Variants in TENM3 observed in about 807,000 individuals in gnomAD.
The protein encoded by TENM3 is teneurin transmembrane protein 3.
Under a neutral mutation model 255.1 loss-of-function variants are expected in TENM3, and 63 were observed. That is an observed-to-expected ratio of 0.25 (90% CI 0.20 to 0.30). TENM3 has a LOEUF of 0.30. Ranked by LOEUF, TENM3 falls within the 10% of genes least tolerant of loss-of-function variation. The probability of loss-of-function intolerance (pLI) is 1.00; values close to 1 mark genes in which losing one functional copy is unlikely to be tolerated. For synonymous variants in TENM3, 1,306 were observed against 1,322.3 expected, an observed-to-expected ratio of 0.99 and a Z score of 0.27; for missense variants, 2,929 against 3,461.1, an observed-to-expected ratio of 0.85 and a Z score of 3.86.
At chr4:181,997,816 G>T in the TENM3 span, among the ~76,000 whole-genome samples, 1 of 152,126 alleles carries the variant, frequency 6.6e-6, no homozygotes, top group African/African-American at 2.4e-5. Context: ...AATAAAAAAG[G>T]TCTATGTTAC....
the TENM3 span, among the ~76,000 whole-genome samples, chr4:181,653,948 G>T: frequency 2.0e-5 from 3 of 151,538 alleles, no homozygotes; most frequent in Admixed American, 2.0e-4. Flanking sequence ...TTTCATCATT[G>T]GTACTGTGGT....
At chr4:181,907,694 C>A in the TENM3 span, among the ~76,000 whole-genome samples, 1 of 152,084 alleles carries the variant, frequency 6.6e-6, no homozygotes. Flanking sequence ...GAGATCATCA[C>A]CCCACAAGCT....
chr4:181,849,145 T>C, the TENM3 span, among the ~76,000 whole-genome samples: 1 of 152,190 alleles, frequency 6.6e-6, no homozygotes, highest in Non-Finnish European at 1.5e-5. Flanking sequence ...AACACAGTCA[T>C]AAGTAAAAGT....
At chr4:182,125,768 CT>C in the TENM3 span, among the ~76,000 whole-genome samples, 60,814 of 139,310 alleles carry the variant, frequency 0.44, 12,995 homozygotes, top group Admixed American at 0.52. Context: ...CTTTCCTTGC[CT>C]TTTTTTTTTT....
chr4:181,600,387 C>A, the TENM3 span, among the ~76,000 whole-genome samples: 4 of 152,128 alleles, frequency 2.6e-5, no homozygotes, highest in Non-Finnish European at 5.9e-5. Flanking sequence ...CTGCTGCAAC[C>A]ACTGCCCCAG....
the TENM3 span, among the ~76,000 whole-genome samples, chr4:182,089,288 A>T: frequency 6.6e-6 from 1 of 152,210 alleles, no homozygotes; most frequent in African/African-American, 2.4e-5. Flanking sequence ...TGTTAAGGTT[A>T]TATCACATAG....
intron 24 of TENM3, among the ~76,000 whole-genome samples, chr4:182,780,965 A>G (rs1290052427): frequency 3.3e-5 from 5 of 151,380 alleles, no homozygotes; most frequent in South Asian, 4.2e-4. Flanking sequence ...GGCTGAGACA[A>G]TGGGGTTTTC....
the TENM3 span, among the ~76,000 whole-genome samples, chr4:181,691,930 A>G: frequency 3.3e-5 from 5 of 152,166 alleles, no homozygotes; most frequent in East Asian, 9.6e-4. Context: ...ATTGCTGCCT[A>G]GTCTTTTTCA....
chr4:182,229,068 A>G (rs1756385182), intron 1 of TENM3, among the ~76,000 whole-genome samples: 1 of 152,090 alleles, frequency 6.6e-6, no homozygotes, highest in African/African-American at 2.4e-5. Context: ...ACCCAAATAT[A>G]TTTGCTTTGT....
the TENM3 span, among the ~76,000 whole-genome samples, chr4:181,784,990 T>G: frequency 6.6e-6 from 1 of 152,070 alleles, no homozygotes; most frequent in Non-Finnish European, 1.5e-5. Context: ...AAAATACAAC[T>G]AAGAGTATTC....
At chr4:181,886,437 T>C in the TENM3 span, among the ~76,000 whole-genome samples, 2 of 152,218 alleles carry the variant, frequency 1.3e-5, no homozygotes, top group Admixed American at 6.5e-5. Flanking sequence ...TGTATTTTAA[T>C]TTGGAAGCAA....
chr4:182,730,354 T>C, intron 15 of TENM3, 35 bp downstream of exon 15: 2 of 1,609,808 alleles, frequency 1.2e-6, no homozygotes, highest in East Asian at 2.2e-5. Context: ...TCTGAAGGAT[T>C]TGAAATATAA....
the TENM3 span, among the ~76,000 whole-genome samples, chr4:181,888,610 G>A: frequency 7.5e-6 from 1 of 133,876 alleles, no homozygotes; most frequent in Non-Finnish European, 1.6e-5. Context: ...GTGTGTGTGT[G>A]TGTGTGTGGA....
At chr4:182,171,371 A>G (rs1752095608) in intron 1 of TENM3, among the ~76,000 whole-genome samples, 1 of 152,196 alleles carries the variant, frequency 6.6e-6, no homozygotes, top group Non-Finnish European at 1.5e-5. Context: ...TTTCCCTAAT[A>G]GAAACCTCTT....
At chr4:181,570,336 A>G in the TENM3 span, among the ~76,000 whole-genome samples, 1 of 152,046 alleles carries the variant, frequency 6.6e-6, no homozygotes, top group African/African-American at 2.4e-5. Flanking sequence ...TGACCTACAA[A>G]TGTTTCTTAA....
At chr4:182,679,330 A>T (rs1755925341) in intron 7 of TENM3, among the ~76,000 whole-genome samples, 1 of 152,226 alleles carries the variant, frequency 6.6e-6, no homozygotes, top group African/African-American at 2.4e-5. Context: ...TGGATTGGAA[A>T]TGTCAGTTCA....
intron 12 of TENM3, among the ~76,000 whole-genome samples, chr4:182,689,146 A>G (rs915467302): frequency 6.6e-6 from 1 of 152,232 alleles, no homozygotes; most frequent in Non-Finnish European, 1.5e-5. Flanking sequence ...AAATTTCTAT[A>G]TCACTTCAGT....
Position 182,659,745 on chromosome 4 carries a change from A to G in TENM3, c.1111+5852A>G, listed in dbSNP as rs74783125. ...CCAGTCTTGCTCATCCACTCTTCAC[A>G]CACAAATTTGAGATATCAGTTCCTT... is the stretch of plus-strand genomic sequence containing the variant. On this transcript the variant is annotated intron_variant, in intron 6 of 27. Coordinates refer to ENST00000511685, the MANE Select transcript of TENM3 (RefSeq NM_001080477.4). 9.7e-3 allele frequency among the ~76,000 whole-genome samples: 1,479 copies of G among 152,198 alleles called. 20 individuals are homozygous for G. Among genetic ancestry groups the G allele is most frequent in the African/African-American group, 0.034 (1,408 of 41,526 alleles).
the TENM3 span, among the ~76,000 whole-genome samples, chr4:182,131,625 T>G: frequency 6.6e-6 from 1 of 152,308 alleles, no homozygotes; most frequent in South Asian, 2.1e-4. Flanking sequence ...AGGGTTAATC[T>G]GTCACTGCAT....
Sources: allele counts gnomAD v4.1 joint callset (sites outside exome capture counted in the v4.1 genomes callset), GRCh38; gene constraint gnomAD v4.1.1; transcripts MANE v1.5; gene names NCBI Gene and HGNC (gene_info 2026-07-23, HGNC 2026-07-21).